The following DDX27 variants were observed in gnomAD, a reference collection of about 807,000 sequenced individuals.
The protein encoded by DDX27 is probable ATP-dependent RNA helicase DDX27.
Under a neutral mutation model 99.3 loss-of-function variants are expected in DDX27, and 42 were observed. The observed-to-expected ratio is 0.42, with a 90% CI of 0.33 to 0.55. DDX27 has a LOEUF of 0.55. Ranked by LOEUF, DDX27 falls within the 20% of genes least tolerant of loss-of-function variation. The pLI is 0.07. For missense variants in DDX27, 798 were observed against 976.8 expected, an observed-to-expected ratio of 0.82 and a Z score of 2.44; for synonymous variants, 329 against 353.8, an observed-to-expected ratio of 0.93 and a Z score of 0.79.
At chr20:49,231,276 T>TA (rs1238638661) in intron 9 of DDX27, among the ~76,000 whole-genome samples, 4 of 152,184 alleles carry the variant, frequency 2.6e-5, no homozygotes, top group Non-Finnish European at 4.4e-5. Context: ...ATGAAGGGGC[T>TA]ACTGCTATAC....
At chr20:49,223,216 G>T (rs1333934481) in intron 3 of DDX27, 52 bp from the exon 4 acceptor site, 2 of 1,572,614 alleles carry the variant, frequency 1.3e-6, no homozygotes, top group Non-Finnish European at 1.7e-6. Context: ...CTCTACTTAG[G>T]TTCTGGATTT....
At chr20:49,240,582 C>T (rs564105526) in intron 16 of DDX27, among the ~76,000 whole-genome samples, 4 of 152,276 alleles carry the variant, frequency 2.6e-5, no homozygotes, top group African/African-American at 7.2e-5. Context: ...TGCCTGCCAC[C>T]GCACCTGGGT....
chr20:49,221,741 A>G, intron 2 of DDX27, 143 bp downstream of exon 2: 2 of 631,148 alleles, frequency 3.2e-6, no homozygotes, highest in Non-Finnish European at 2.4e-6. Flanking sequence ...TGGTTAAAAA[A>G]AAACAAAAGA....
intron 16 of DDX27, among the ~76,000 whole-genome samples, chr20:49,240,628 CGTGTT>C (rs1980447211): frequency 6.6e-6 from 1 of 150,756 alleles, no homozygotes; most frequent in African/African-American, 2.4e-5. Context: ...GGGATTTCAC[CGTGTT>C]AGCCAGGATG....
Position 49,242,596 on chromosome 20 carries a change from A to C in DDX27, c.2119A>C (p.Lys707Gln). 5.0e-6 allele frequency: 8 copies of C among 1,614,184 alleles called. No individual in the cohort carries two copies. Among genetic ancestry groups the C allele is most frequent in the Non-Finnish European group, 6.8e-6 (8 of 1,180,028 alleles). Residue 707 changes from lysine (K) to glutamine (Q), a missense_variant and splice_region_variant, in exon 19 of 21, where the codon AAG becomes CAG. Lys to Gln is a moderately conservative substitution (Grantham distance 53). This residue lies in a region of DDX27 where 553 missense variants were observed against 727.9 expected (regional missense o/e 0.76). Coordinates refer to ENST00000618172, the MANE Select transcript of DDX27 (RefSeq NM_017895.8). ...PEEEPVRGPA[K>Q]KQKQGKKSVF... ...TAACCCATTCTCTCTGTGCACAGCC[A>C]AGAAGCAAAAGCAGGGGAAGAAATC...
chr20:49,228,765 C>A lies in DDX27; in HGVS notation c.757C>A (p.Pro253Thr), dbSNP rs1172534226. The change falls in exon 8 of 21, where the codon CCC (proline) becomes ACC (threonine). Residue 253 changes from proline to threonine, a missense_variant. By Grantham distance (38) the Pro-to-Thr change is conservative (BLOSUM62 -1). Transcript: ENST00000618172. ...TGTTTTGGAGCGTCTGATTTATAAA[C>A]CCCGCCAGGCTCCAGTCACCCGCGT... The part of the protein sequence containing the change: ...LPVLERLIYK[P>T]RQAPVTRVLV... 1 of 1,613,014 alleles carries A rather than the reference C, an allele frequency of 6.2e-7. No homozygotes were observed. The highest frequency in any genetic ancestry group is 8.5e-7 in the Non-Finnish European group (1 of 1,179,396).
rs117301601 is a variant in DDX27 at position 49,236,151 on chromosome 20, C to A, written c.1429C>A (p.Arg477Ser). Residue 477 changes from arginine (R) to serine (S), a missense_variant and splice_region_variant, in exon 13 of 21, where the codon CGT (arginine) becomes AGT (serine). By Grantham distance (110) the Arg-to-Ser change is moderately radical. Coordinates refer to ENST00000618172, the MANE Select transcript of DDX27 (RefSeq NM_017895.8). The surrounding 1 kb of genome is among the most constrained non-coding windows in gnomAD (Gnocchi z 4.1). ...SQTQRLEALR[R>S]FKDEQIDILV... ...ACAGCTGTTTGTGACTGTTTCTAGG[C>A]GTTTTAAGGATGAACAGATTGACAT... 3.1e-6 allele frequency: 5 copies of A among 1,608,498 alleles called. No individual in the cohort carries two copies. The highest frequency in any genetic ancestry group is 2.2e-5 in the East Asian group (1 of 44,816).
intron 6 of DDX27, 56 bp from the exon 7 acceptor site, chr20:49,226,374 G>A: frequency 7.1e-7 from 1 of 1,412,374 alleles, no homozygotes; most frequent in Non-Finnish European, 9.9e-7. Flanking sequence ...CCCTGTTTGT[G>A]TTGTGCTGAG....
intron 1 of DDX27, among the ~76,000 whole-genome samples, chr20:49,220,490 C>T (rs1245501260): frequency 6.6e-6 from 1 of 152,232 alleles, no homozygotes; most frequent in Non-Finnish European, 1.5e-5. Context: ...ACGTTAGAGA[C>T]CTCCCTTGCT....
intron 16 of DDX27, 23 bp from the exon 17 acceptor site, chr20:49,241,870 C>T: frequency 6.2e-7 from 1 of 1,610,340 alleles, no homozygotes; most frequent in Non-Finnish European, 8.5e-7. Flanking sequence ...TCCCTGAAAT[C>T]TTATGCTTTC....
At position 49,230,141 on chromosome 20, in the gene DDX27, A is replaced by G. The variant is rs912272465; in HGVS notation, c.881-58A>G. The G allele has an allele frequency of 6.5e-6, 10 of 1,538,040 alleles. No individual in the cohort carries two copies. In the African/African-American group the frequency reaches 1.4e-4, roughly 21 times the overall value. ...GAGGCCTGGTGAGTGGCTGGTGCTC[A>G]GTCAACACCCATGAGCAGCTGACCT... On this transcript the variant is annotated intron_variant, in intron 8 of 20. Coordinates refer to ENST00000618172, the MANE Select transcript of DDX27 (RefSeq NM_017895.8).
In DDX27 at chr20:49,236,134, T is replaced by C; in HGVS notation, c.1428-16T>C. The stretch of plus-strand genomic sequence containing the variant: ...GGAGGGTGTCTGGATGAACAGCTGT[T>C]TGTGACTGTTTCTAGGCGTTTTAAG... On this transcript the variant is annotated splice_polypyrimidine_tract_variant and intron_variant, in intron 12 of 20. Coordinates refer to ENST00000618172, the MANE Select transcript of DDX27 (RefSeq NM_017895.8). The surrounding 1 kb of genome is among the most constrained non-coding windows in gnomAD (Gnocchi z 4.1). The C allele has an allele frequency of 1.2e-6, 2 of 1,603,366 alleles. No homozygotes were observed. Among genetic ancestry groups the C allele is most frequent in the Non-Finnish European group, 1.7e-6 (2 of 1,174,828 alleles).
rs773043864 is a variant in DDX27 at position 49,239,113 on chromosome 20, TC to T, written c.1794+61del. On this transcript the variant is annotated intron_variant, in intron 15 of 20. Transcript: ENST00000618172. Reference sequence around the variant, plus strand: ...GCTGCTCAGTAAGCAAGCTGCTGCATCCCTGCTGGTGCTGCCCTTCTGAAAT... The same window carrying T: ...GCTGCTCAGTAAGCAAGCTGCTGCATCCTGCTGGTGCTGCCCTTCTGAAAT... The T allele has an allele frequency of 1.4e-5, 22 of 1,525,208 alleles. No homozygotes were observed. The African/African-American group carries it at 2.7e-4, about 19-fold the overall frequency. The allele number at this position is 1,525,208 out of a possible 1,614,324, so 94.5% of individuals were successfully genotyped here.
intron 8 of DDX27, 149 bp from the exon 9 acceptor site, chr20:49,230,050 G>C: frequency 1.2e-6 from 1 of 828,012 alleles, no homozygotes; most frequent in Non-Finnish European, 1.8e-6. Flanking sequence ...GTGCGTTTCT[G>C]GGAAACCCAT....
chr20:49,232,138 C>T (rs1035016651), intron 9 of DDX27, among the ~76,000 whole-genome samples: 8 of 152,144 alleles, frequency 5.3e-5, no homozygotes, highest in South Asian at 4.2e-4. Flanking sequence ...CCTTCTGCCT[C>T]GGCTTCCCAA....
At chr20:49,226,681 G>A (rs1979900330) in intron 7 of DDX27, 146 bp downstream of exon 7, 1 of 547,828 alleles carries the variant, frequency 1.8e-6, no homozygotes, top group Admixed American at 3.4e-5. Context: ...TGTAGAGATA[G>A]GGGTCTCACT....
At chr20:49,220,034 T>C (rs564624384) in intron 1 of DDX27, among the ~76,000 whole-genome samples, 55 of 152,230 alleles carry the variant, frequency 3.6e-4, no homozygotes, top group African/African-American at 1.1e-3. Flanking sequence ...TTAAGCAGTA[T>C]GGCAATTAAA....
chr20:49,243,280 T>C (rs989278568), intron 19 of DDX27, among the ~76,000 whole-genome samples: 1 of 152,154 alleles, frequency 6.6e-6, no homozygotes, highest in African/African-American at 2.4e-5. Context: ...GATAACTCTT[T>C]CATCTCAAGT....
chr20:49,230,544 A>G lies in DDX27; in HGVS notation c.1031+195A>G, dbSNP rs867110967. Among the ~76,000 whole-genome samples the G allele has an allele frequency of 2.0e-5, 3 of 152,168 alleles. No individual in the cohort carries two copies. In the Middle Eastern group the frequency reaches 0.01, roughly 521 times the overall value. On this transcript the variant is annotated intron_variant, in intron 9 of 20. Transcript: ENST00000618172. ...TTCCTCTTTTTTCTCTTTCTCTATT[A>G]TGGTGGTTAAGTGATAAGGCTGGTC... is the stretch of plus-strand genomic sequence containing the variant.
Sources: gnomAD v4.1 joint callset for allele counts (sites outside exome capture counted in the v4.1 genomes callset) on GRCh38, gnomAD v4.1.1 for gene constraint, gnomAD v4.1.1 regional missense constraint, Gnocchi (gnomAD v3.1) non-coding constraint, MANE v1.5 for transcripts, NCBI Gene and HGNC (gene_info 2026-07-23, HGNC 2026-07-21) for gene names.